EPHA4: variants seen among roughly 807,000 people sequenced by gnomAD.
EPHA4 encodes the protein EPH receptor A4.
EPHA4 carries 19 observed loss-of-function variants against 108.3 expected under a neutral mutation model. That is an observed-to-expected ratio of 0.18 (90% CI 0.12 to 0.26). EPHA4 has a LOEUF of 0.26. Ranked by LOEUF, EPHA4 falls within the 10% of genes least tolerant of loss-of-function variation. The probability of loss-of-function intolerance (pLI) is 1.00; values close to 1 mark genes in which losing one functional copy is unlikely to be tolerated. For synonymous variants in EPHA4, 449 were observed against 455.5 expected (o/e 0.99, Z 0.18); for missense variants, 917 against 1,254.0 (o/e 0.73, Z 4.06).
chr2:221,499,713 C>T (rs1338215722), intron 4 of EPHA4, among the ~76,000 whole-genome samples: 6 of 78,548 alleles, frequency 7.6e-5, no homozygotes, highest in African/African-American at 2.9e-4. Context: ...ATAACTAAAA[C>T]TAATATATAT....
At position 221,437,072 on chromosome 2, in the gene EPHA4, C is replaced by T. The variant is rs752811601; in HGVS notation, c.2125G>A (p.Ala709Thr). 2 of 1,611,208 alleles carry T rather than the reference C, an allele frequency of 1.2e-6. No individual in the cohort carries two copies. The highest frequency in any genetic ancestry group is 1.7e-6 in the Non-Finnish European group (2 of 1,178,030). Reference protein sequence around the residue: ...TEYMENGSLDAFLRKNDGRFT... With the variant: ...TEYMENGSLDTFLRKNDGRFT... ...AAGTAGTCACATACCCTGAGGAATG[C>T]ATCCAAGGAGCCATTCTCCATGTAC... The change falls in exon 12 of 18, where the codon GCA becomes ACA. Residue 709 changes from alanine (A) to threonine (T), a missense_variant. This residue lies in a region of EPHA4 where 758 missense variants were observed against 1,076.7 expected (regional missense o/e 0.70). Transcript: ENST00000281821.
At chr2:221,553,075 T>C (rs141796301) in intron 3 of EPHA4, among the ~76,000 whole-genome samples, 218 of 152,296 alleles carry the variant, frequency 1.4e-3, no homozygotes, top group African/African-American at 4.9e-3. Flanking sequence ...ATTGCCACAT[T>C]ATAAAAGTAT....
chr2:221,424,819 G>T (rs1406159905), intron 17 of EPHA4, among the ~76,000 whole-genome samples: 1 of 152,198 alleles, frequency 6.6e-6, no homozygotes, highest in South Asian at 2.1e-4. Flanking sequence ...GACCTAACAA[G>T]GTTAGAGAGA....
chr2:221,448,205 G>A (rs1389470788), intron 8 of EPHA4, among the ~76,000 whole-genome samples: 1 of 143,568 alleles, frequency 7.0e-6, no homozygotes, highest in African/African-American at 2.5e-5. Flanking sequence ...AGACACACAT[G>A]CTCAGATTCC....
At chr2:221,550,591 C>T (rs1574653615) in intron 3 of EPHA4, among the ~76,000 whole-genome samples, 1 of 152,084 alleles carries the variant, frequency 6.6e-6, no homozygotes, top group Non-Finnish European at 1.5e-5. Flanking sequence ...ACTAAGTATA[C>T]CCATGCAATA....
chr2:221,570,792 A>G (rs976088589), intron 1 of EPHA4, among the ~76,000 whole-genome samples: 1 of 152,064 alleles, frequency 6.6e-6, no homozygotes, highest in African/African-American at 2.4e-5. Flanking sequence ...GAATGGGTGG[A>G]TGGATGGAGG....
At chr2:221,442,685 A>G (rs759684518) in intron 11 of EPHA4, 144 bp downstream of exon 11, 1 of 793,924 alleles carries the variant, frequency 1.3e-6, no homozygotes, top group Non-Finnish European at 2.0e-6. Context: ...AGCTGACTAC[A>G]AGATTAATGA....
At chr2:221,501,297 G>T in intron 3 of EPHA4, 125 bp from the exon 4 acceptor site, 1 of 812,586 alleles carries the variant, frequency 1.2e-6, no homozygotes, top group Non-Finnish European at 1.8e-6. Context: ...GCGATCATGT[G>T]GCTTGAAATG....
At chr2:221,450,075 C>T (rs1019313126) in intron 8 of EPHA4, among the ~76,000 whole-genome samples, 1 of 152,220 alleles carries the variant, frequency 6.6e-6, no homozygotes. Flanking sequence ...CATCTGCCCC[C>T]ACTTGTGTGA....
At chr2:221,558,424 A>G (rs990176019) in intron 3 of EPHA4, among the ~76,000 whole-genome samples, 8 of 152,164 alleles carry the variant, frequency 5.3e-5, no homozygotes, top group African/African-American at 1.9e-4. Flanking sequence ...TTTACCAATT[A>G]CCCGTTCCCC....
chr2:221,515,960 G>GAAA (rs71050339), intron 3 of EPHA4, among the ~76,000 whole-genome samples: 1 of 140,882 alleles, frequency 7.1e-6, no homozygotes, highest in Non-Finnish European at 1.5e-5. Context: ...GATTTGAAGG[G>GAAA]AAAAAAAAAA....
At chr2:221,563,601 A>G in intron 3 of EPHA4, 130 bp downstream of exon 3, 6 of 1,056,806 alleles carry the variant, frequency 5.7e-6, no homozygotes, top group Non-Finnish European at 8.2e-6. Context: ...GCACTTACTC[A>G]TTAGACCCCT....
intron 3 of EPHA4, among the ~76,000 whole-genome samples, chr2:221,538,553 G>T (rs190870828): frequency 2.3e-3 from 346 of 152,244 alleles, no homozygotes; most frequent in Non-Finnish European, 3.3e-3. Flanking sequence ...AAGAGAATTT[G>T]CCAGAATCTG....
chr2:221,567,383 G>A (rs1182031343), intron 2 of EPHA4, among the ~76,000 whole-genome samples: 1 of 152,164 alleles, frequency 6.6e-6, no homozygotes, highest in Non-Finnish European at 1.5e-5. Context: ...CTCTCACCAA[G>A]ATAAAGCCGT....
In EPHA4 at chr2:221,532,126, C is replaced by CT. The variant is rs5838890; in HGVS notation, c.824-30955dup. Among the ~76,000 whole-genome samples, 417 of 142,932 alleles carry CT rather than the reference C, an allele frequency of 2.9e-3. 2 individuals are homozygous for CT. The highest frequency in any genetic ancestry group is 7.0e-3 in the African/African-American group (262 of 37,602). 93.8% of individuals were successfully genotyped at this position (142,932 alleles called of 152,430 possible). A position where few individuals can be genotyped will look rare whatever the true frequency, so the allele number is the denominator to read the frequency against. ...TGTCACACAGATATTTCAATTTATT[C>CT]TTTTTTTTTTTTTTGAGACAGGGTC... is the stretch of plus-strand genomic sequence containing the variant. On this transcript the variant is annotated intron_variant, in intron 3 of 17. Transcript: ENST00000281821.
intron 3 of EPHA4, among the ~76,000 whole-genome samples, chr2:221,519,143 G>C (rs928357599): frequency 4.6e-5 from 7 of 152,194 alleles, no homozygotes; most frequent in Middle Eastern, 3.4e-3. Flanking sequence ...CTTGGCAAAG[G>C]TTCCTTTACT....
chr2:221,547,442 C>T (rs2106195667), intron 3 of EPHA4, among the ~76,000 whole-genome samples: 1 of 152,264 alleles, frequency 6.6e-6, no homozygotes, highest in Non-Finnish European at 1.5e-5. Context: ...TTCCCAATTA[C>T]TTAAGTTGAA....
chr2:221,530,193 T>A (rs1438619445), intron 3 of EPHA4, among the ~76,000 whole-genome samples: 1 of 151,606 alleles, frequency 6.6e-6, no homozygotes, highest in Non-Finnish European at 1.5e-5. Context: ...AAAAAAAAAA[T>A]TGGGACAAAG....
intron 3 of EPHA4, among the ~76,000 whole-genome samples, chr2:221,544,317 T>C (rs1363998321): frequency 6.6e-6 from 1 of 152,222 alleles, no homozygotes; most frequent in Admixed American, 6.5e-5. Context: ...TTTCATTTTT[T>C]CATGTTTTAT....
Sources: gnomAD v4.1 joint callset for allele counts (sites outside exome capture counted in the v4.1 genomes callset) on GRCh38, gnomAD v4.1.1 for gene constraint, gnomAD v4.1.1 regional missense constraint, MANE v1.5 for transcripts, NCBI Gene and HGNC (gene_info 2026-07-23, HGNC 2026-07-21) for gene names.